Variants in MBD2 observed in about 807,000 individuals in gnomAD.
MBD2 encodes methyl-CpG-binding domain protein 2.
A neutral mutation model predicts 39.3 loss-of-function variants in MBD2; 9 were observed. The observed-to-expected ratio is 0.23, with a 90% CI of 0.14 to 0.40. The LOEUF (loss-of-function observed/expected upper bound fraction) is 0.40. Ranked by LOEUF, MBD2 falls within the 10% of genes least tolerant of loss-of-function variation. The pLI is 1.00. For missense variants in MBD2, 458 were observed against 532.6 expected (o/e 0.86, Z 1.38); for synonymous variants, 233 against 211.1 (o/e 1.10, Z -0.90).
intron 3 of MBD2, among the ~76,000 whole-genome samples, chr18:54,173,991 G>A (rs888085667): frequency 2.0e-5 from 3 of 152,180 alleles, no homozygotes; most frequent in African/African-American, 7.2e-5. Context: ...TTCAAGAATA[G>A]AAGGTGGGAG....
chr18:54,206,774 C>A (rs1414802387), intron 1 of MBD2, among the ~76,000 whole-genome samples: 2 of 134,904 alleles, frequency 1.5e-5, no homozygotes, highest in African/African-American at 5.0e-5. Context: ...AAGAACAATA[C>A]AAGAAAAAAC....
At chr18:54,198,636 GC>G (rs2086383525) in intron 2 of MBD2, among the ~76,000 whole-genome samples, 1 of 152,194 alleles carries the variant, frequency 6.6e-6, no homozygotes, top group South Asian at 2.1e-4. Context: ...GATCACCTGA[GC>G]CCAGGTCAAG....
At chr18:54,201,474 C>T (rs968563238) in intron 2 of MBD2, among the ~76,000 whole-genome samples, 1 of 152,092 alleles carries the variant, frequency 6.6e-6, no homozygotes, top group African/African-American at 2.4e-5. Flanking sequence ...GAAATAGGTA[C>T]TGCAAAAATA....
chr18:54,166,269 T>C, intron 3 of MBD2, 103 bp from the exon 4 acceptor site: 2 of 694,956 alleles, frequency 2.9e-6, no homozygotes, highest in South Asian at 1.9e-5. Context: ...AATAGTTTCC[T>C]ATAATTTCCT....
chr18:54,220,482 C>T (rs1032944688), intron 1 of MBD2, among the ~76,000 whole-genome samples: 2 of 152,156 alleles, frequency 1.3e-5, no homozygotes, highest in African/African-American at 2.4e-5. Context: ...GAGGCTTTCT[C>T]GATGAGCTTA....
chr18:54,189,059 A>T (rs1394068188), intron 2 of MBD2, 48 bp from the exon 3 acceptor site: 1 of 1,258,118 alleles, frequency 7.9e-7, no homozygotes, highest in Non-Finnish European at 1.1e-6. Context: ...TATAAACACA[A>T]TCAGATGACT....
chr18:54,177,638 G>A (rs1389087792), intron 3 of MBD2, among the ~76,000 whole-genome samples: 4 of 151,766 alleles, frequency 2.6e-5, no homozygotes, highest in African/African-American at 7.3e-5. Context: ...CCGCCACCAC[G>A]CCCGGCTAAT....
intron 3 of MBD2, among the ~76,000 whole-genome samples, chr18:54,179,181 C>A (rs371551484): frequency 6.6e-6 from 1 of 152,066 alleles, no homozygotes; most frequent in Non-Finnish European, 1.5e-5. Context: ...TACAGCGAGA[C>A]CTTGTCTCAA....
intron 1 of MBD2, 40 bp downstream of exon 1, chr18:54,223,967 CCCTGACCCCGG>C (rs780703554): frequency 2.0e-6 from 3 of 1,474,546 alleles, no homozygotes; most frequent in Admixed American, 3.9e-5. Flanking sequence ...CGCTCTTGAC[CCCTGACCCCGG>C]CCTGACCCCG....
chr18:54,165,455 A>C (rs1435425871), intron 4 of MBD2, among the ~76,000 whole-genome samples: 1 of 152,190 alleles, frequency 6.6e-6, no homozygotes, highest in African/African-American at 2.4e-5. Flanking sequence ...AGGATTTTTG[A>C]GCAATCCACA....
At chr18:54,189,883 T>C (rs1189203342) in intron 2 of MBD2, among the ~76,000 whole-genome samples, 2 of 151,922 alleles carry the variant, frequency 1.3e-5, no homozygotes, top group Non-Finnish European at 2.9e-5. Context: ...TCCTGGACTC[T>C]AGCAATCTGC....
chr18:54,192,481 T>C (rs2086327711), intron 2 of MBD2, among the ~76,000 whole-genome samples: 1 of 152,184 alleles, frequency 6.6e-6, no homozygotes, highest in Non-Finnish European at 1.5e-5. Flanking sequence ...TCTGCCTGCC[T>C]CGGCCTCCCA....
At chr18:54,163,761 C>T (rs2086111912) in intron 5 of MBD2, among the ~76,000 whole-genome samples, 1 of 152,044 alleles carries the variant, frequency 6.6e-6, no homozygotes. Context: ...TCTCTTCTTG[C>T]TCTACCGTGT....
intron 3 of MBD2, among the ~76,000 whole-genome samples, chr18:54,167,922 A>T (rs1292023738): frequency 6.6e-6 from 1 of 151,132 alleles, no homozygotes; most frequent in Non-Finnish European, 1.5e-5. Flanking sequence ...GAATAACATC[A>T]TCTGTGTTTT....
In MBD2 at chr18:54,157,409, C is replaced by T. The variant is rs565655917; in HGVS notation, c.*13-2098G>A. Among the ~76,000 whole-genome samples, 258 of 152,026 alleles carry T rather than the reference C, an allele frequency of 1.7e-3. 1 individual carries two copies. The highest frequency in any genetic ancestry group is 5.9e-3 in the African/African-American group (246 of 41,464). The stretch of plus-strand genomic sequence containing the variant: ...TCAAGTAGTTGGGATTACAGGTGCC[C>T]GCCACCATGCCCAGCTAATTTTTGT... On this transcript the variant is annotated intron_variant, in intron 6 of 6. Coordinates refer to ENST00000256429, the MANE Select transcript of MBD2 (RefSeq NM_003927.5).
At chr18:54,218,135 T>C (rs2086577235) in intron 1 of MBD2, among the ~76,000 whole-genome samples, 1 of 152,240 alleles carries the variant, frequency 6.6e-6, no homozygotes, top group Non-Finnish European at 1.5e-5. Flanking sequence ...AATTGATCTG[T>C]ACGGTATATT....
chr18:54,168,625 G>T (rs367793091), intron 3 of MBD2, among the ~76,000 whole-genome samples: 35 of 44,110 alleles, frequency 7.9e-4, no homozygotes, highest in African/African-American at 1.5e-3. Context: ...GTGTGTGTGT[G>T]TGTGTGTGTG....
chr18:54,160,385 T>C (rs1157957679), intron 5 of MBD2, among the ~76,000 whole-genome samples: 1 of 152,044 alleles, frequency 6.6e-6, no homozygotes, highest in East Asian at 1.9e-4. Context: ...GAGAGAGCTC[T>C]CTCCTGGATT....
chr18:54,188,752 G>C, intron 3 of MBD2, 122 bp downstream of exon 3: 1 of 1,023,752 alleles, frequency 9.8e-7, no homozygotes, highest in Non-Finnish European at 1.4e-6. Context: ...AATAGCCTAG[G>C]ACATAAAATA....
Sources: gnomAD v4.1 joint callset for allele counts (sites outside exome capture counted in the v4.1 genomes callset) on GRCh38, gnomAD v4.1.1 for gene constraint, MANE v1.5 for transcripts, NCBI Gene and HGNC (gene_info 2026-07-23, HGNC 2026-07-21) for gene names.